The following CAMK4 variants were observed in gnomAD, a reference collection of about 807,000 sequenced individuals.
CAMK4 encodes calcium/calmodulin dependent protein kinase IV, also known as calcium/calmodulin-dependent protein kinase type IV.
In CAMK4, 22 loss-of-function variants were observed where a neutral mutation model predicts 44.9. The observed-to-expected ratio is 0.49, with a 90% CI of 0.35 to 0.70. The LOEUF is 0.70. Ranked by LOEUF, CAMK4 falls within the 30% of genes least tolerant of loss-of-function variation. CAMK4 has a pLI of 0.01. For synonymous variants in CAMK4, 218 were observed against 215.4 expected, an observed-to-expected ratio of 1.01 and a Z score of -0.11; for missense variants, 498 against 586.8, an observed-to-expected ratio of 0.85 and a Z score of 1.56.
chr5:111,312,801 G>T (rs2112674413), intron 1 of CAMK4, among the ~76,000 whole-genome samples: 1 of 152,276 alleles, frequency 6.6e-6, no homozygotes. Context: ...TTTGTTAGCG[G>T]AGAGCCCTAT....
At position 111,224,930 on chromosome 5, in the gene CAMK4, GT is replaced by G. The variant is rs983283989; in HGVS notation, c.161+287del. ...CCTTGGGTGACAGCTCCCACCGCACGTGGGCCCTGCTTTCCCAATTGATATC... is the reference window on the plus strand; with the variant it reads ...CCTTGGGTGACAGCTCCCACCGCACGGGGCCCTGCTTTCCCAATTGATATC... On this transcript the variant is annotated intron_variant, in intron 1 of 10. Coordinates refer to ENST00000282356, the MANE Select transcript of CAMK4 (RefSeq NM_001744.6). This position sits in a 1 kb window ranked among gnomAD's most constrained non-coding sequence, Gnocchi z 5.7. 1.5e-4 allele frequency among the ~76,000 whole-genome samples: 22 copies of G among 149,268 alleles called. No individual in the cohort carries two copies. Among genetic ancestry groups the G allele is most frequent in the African/African-American group, 4.9e-4 (20 of 40,882 alleles).
At chr5:111,225,430 A>G (rs1245433485) in intron 1 of CAMK4, among the ~76,000 whole-genome samples, 2 of 151,900 alleles carry the variant, frequency 1.3e-5, no homozygotes, top group Non-Finnish European at 2.9e-5. Context: ...ATTTGTATCC[A>G]TTGAAAATTA....
chr5:111,375,434 TA>T (rs1468307728), intron 3 of CAMK4, among the ~76,000 whole-genome samples: 4 of 152,176 alleles, frequency 2.6e-5, no homozygotes, highest in African/African-American at 7.2e-5. Flanking sequence ...AAAGATCTAG[TA>T]AAAAGCGTTC....
intron 7 of CAMK4, among the ~76,000 whole-genome samples, chr5:111,470,202 T>C (rs1424812587): frequency 6.6e-6 from 1 of 152,262 alleles, no homozygotes; most frequent in Non-Finnish European, 1.5e-5. Flanking sequence ...TCAAAGACAC[T>C]TTCTGTGGGG....
chr5:111,252,394 A>G (rs1047755017), intron 1 of CAMK4, among the ~76,000 whole-genome samples: 1 of 152,196 alleles, frequency 6.6e-6, no homozygotes, highest in Non-Finnish European at 1.5e-5. Context: ...GTGTGGAGGA[A>G]CACAAAGAAA....
chr5:111,242,871 G>A (rs1439327267), intron 1 of CAMK4, among the ~76,000 whole-genome samples: 1 of 151,640 alleles, frequency 6.6e-6, no homozygotes, highest in East Asian at 1.9e-4. Flanking sequence ...TCCATATTTT[G>A]TAAACACCTT....
intron 2 of CAMK4, among the ~76,000 whole-genome samples, chr5:111,368,976 A>G (rs926674670): frequency 6.6e-6 from 1 of 150,866 alleles, no homozygotes; most frequent in Admixed American, 6.6e-5. Context: ...TCAAATGTAT[A>G]ATGTTAAATT....
intron 1 of CAMK4, among the ~76,000 whole-genome samples, chr5:111,229,391 G>A (rs544653818): frequency 3.3e-5 from 5 of 152,280 alleles, no homozygotes; most frequent in South Asian, 2.1e-4. Context: ...CTGATCCCAC[G>A]ATGAGGGGTT....
At chr5:111,344,201 G>C in intron 2 of CAMK4, 99 bp downstream of exon 2, 1 of 690,982 alleles carries the variant, frequency 1.4e-6, no homozygotes. Context: ...GAGCTGCTGT[G>C]TGCAAATAAC....
rs747124636 is a variant in CAMK4, at chr5:111,224,474, C to G, written c.-10C>G. 3.1e-6 allele frequency: 5 copies of G among 1,592,736 alleles called. No homozygotes were observed. The East Asian group carries it at 1.2e-4, about 37-fold the overall frequency. Reference sequence around the variant, plus strand: ...GCGGCGGCGGCGGCTTCCGGAGTCCCGCTGCGAAGATGCTCAAAGTCACGG... The same window carrying G: ...GCGGCGGCGGCGGCTTCCGGAGTCCGGCTGCGAAGATGCTCAAAGTCACGG... On this transcript the variant is annotated 5_prime_UTR_variant, in exon 1 of 11. Transcript: ENST00000282356. The surrounding 1 kb of genome is among the most constrained non-coding windows in gnomAD (Gnocchi z 5.7).
chr5:111,358,938 A>G (rs1336524769), intron 2 of CAMK4, among the ~76,000 whole-genome samples: 8 of 152,272 alleles, frequency 5.3e-5, no homozygotes, highest in Middle Eastern at 3.4e-3. Flanking sequence ...ATAGTATTCT[A>G]TGTATATATG....
At chr5:111,327,464 A>G (rs1343598832) in intron 1 of CAMK4, among the ~76,000 whole-genome samples, 3 of 152,114 alleles carry the variant, frequency 2.0e-5, no homozygotes, top group African/African-American at 7.2e-5. Context: ...TGCTACAATA[A>G]ACATATGTGT....
intron 8 of CAMK4, among the ~76,000 whole-genome samples, chr5:111,475,098 G>T (rs966488646): frequency 6.6e-6 from 1 of 152,196 alleles, no homozygotes; most frequent in South Asian, 2.1e-4. Flanking sequence ...AGGAGGCGGA[G>T]ATTGCAGTGA....
chr5:111,339,149 T>C (rs889274906), intron 1 of CAMK4, among the ~76,000 whole-genome samples: 5 of 151,390 alleles, frequency 3.3e-5, no homozygotes, highest in African/African-American at 1.2e-4. Context: ...ATGTATGGTT[T>C]AAACATATTT....
intron 5 of CAMK4, among the ~76,000 whole-genome samples, chr5:111,418,757 A>G (rs1752909365): frequency 2.6e-5 from 4 of 152,224 alleles, no homozygotes; most frequent in Admixed American, 2.0e-4. Flanking sequence ...CCATGTCCCT[A>G]CAAAGGACAT....
At chr5:111,434,538 G>C (rs3822670) in intron 5 of CAMK4, among the ~76,000 whole-genome samples, 51,210 of 152,102 alleles carry the variant, frequency 0.34, 9,555 homozygotes, top group East Asian at 0.51. Flanking sequence ...GATGCTCCAT[G>C]GATCATGGCT....
At chr5:111,286,335 A>G (rs1215344824) in intron 1 of CAMK4, among the ~76,000 whole-genome samples, 1 of 152,206 alleles carries the variant, frequency 6.6e-6, no homozygotes, top group Non-Finnish European at 1.5e-5. Flanking sequence ...TCACAATACC[A>G]TATAGATGAT....
At chr5:111,430,181 G>A (rs1433938939) in intron 5 of CAMK4, among the ~76,000 whole-genome samples, 1 of 152,092 alleles carries the variant, frequency 6.6e-6, no homozygotes, top group East Asian at 1.9e-4. Context: ...ATCAATCAAT[G>A]TGACATGTCA....
At chr5:111,335,981 TATTAGACAAAAC>T (rs1749386138) in intron 1 of CAMK4, among the ~76,000 whole-genome samples, 1 of 151,296 alleles carries the variant, frequency 6.6e-6, no homozygotes, top group Non-Finnish European at 1.5e-5. Context: ...CAACTAACCA[TATTAGACAAAAC>T]TAGAGCTCAA....
Sources: allele counts gnomAD v4.1 joint callset (sites outside exome capture counted in the v4.1 genomes callset), GRCh38; gene constraint gnomAD v4.1.1; non-coding constraint Gnocchi (gnomAD v3.1); transcripts MANE v1.5; gene names NCBI Gene and HGNC (gene_info 2026-07-23, HGNC 2026-07-21).